TNS3: variants seen among roughly 807,000 people sequenced by gnomAD.
The protein encoded by TNS3 is tensin-3.
A neutral mutation model predicts 140.9 loss-of-function variants in TNS3; 45 were observed. That is an observed-to-expected ratio of 0.32 (90% CI 0.25 to 0.41). The LOEUF is 0.41. Among genes scored for constraint, TNS3 ranks in the 10% least tolerant of loss-of-function variants. The pLI is 1.00. For synonymous variants in TNS3, 815 were observed against 788.4 expected (o/e 1.03, Z -0.56); for missense variants, 1,716 against 1,906.7 (o/e 0.90, Z 1.86).
chr7:47,487,859 T>C (rs531894736), intron 3 of TNS3, among the ~76,000 whole-genome samples: 3 of 152,210 alleles, frequency 2.0e-5, no homozygotes, highest in Non-Finnish European at 4.4e-5. Context: ...TTAAAGAAAC[T>C]TCGTGATGGC....
chr7:47,411,974 C>T (rs17544073), intron 12 of TNS3, among the ~76,000 whole-genome samples, 172 bp from the exon 13 acceptor site: 53,317 of 152,038 alleles, frequency 0.35, 11,248 homozygotes, highest in Middle Eastern at 0.5. Flanking sequence ...GTAAAGAAAG[C>T]TCCCAGGCCA....
At chr7:47,509,804 T>A (rs972782601) in intron 2 of TNS3, among the ~76,000 whole-genome samples, 2 of 152,156 alleles carry the variant, frequency 1.3e-5, no homozygotes, top group South Asian at 4.2e-4. Context: ...CTGCCTCCGT[T>A]CCTGAGTTGA....
chr7:47,380,568 C>T (rs1051929806), intron 16 of TNS3, among the ~76,000 whole-genome samples: 2 of 152,198 alleles, frequency 1.3e-5, no homozygotes, highest in African/African-American at 4.8e-5. Flanking sequence ...TTAAAGCATC[C>T]GTTCTGCTGA....
At chr7:47,546,581 T>A (rs1799927189) in intron 1 of TNS3, among the ~76,000 whole-genome samples, 2 of 152,208 alleles carry the variant, frequency 1.3e-5, no homozygotes, top group African/African-American at 4.8e-5. Context: ...ATAATTTTTT[T>A]AAATATCACT....
chr7:47,360,876 C>T (rs913469891), intron 17 of TNS3, among the ~76,000 whole-genome samples: 4 of 152,152 alleles, frequency 2.6e-5, no homozygotes, highest in Admixed American at 6.5e-5. Flanking sequence ...ACGGAAATAA[C>T]GACACCTGGA....
At chr7:47,493,782 C>A (rs546452520) in intron 3 of TNS3, among the ~76,000 whole-genome samples, 4 of 150,874 alleles carry the variant, frequency 2.7e-5, no homozygotes, top group African/African-American at 9.7e-5. Context: ...GAGCCGAGAT[C>A]GCGCCACTGC....
chr7:47,449,080 C>A (rs1250002046), intron 4 of TNS3, among the ~76,000 whole-genome samples: 1 of 152,226 alleles, frequency 6.6e-6, no homozygotes, highest in Non-Finnish European at 1.5e-5. Context: ...CTGAGCCTTG[C>A]ACTGTATGTT....
chr7:47,481,265 G>A (rs1268847626), intron 3 of TNS3, 124 bp from the exon 4 acceptor site: 5 of 677,590 alleles, frequency 7.4e-6, no homozygotes. Context: ...CTACAAAGCT[G>A]TAGCAGATCA....
At chr7:47,561,042 C>G (rs1415533032) in intron 1 of TNS3, among the ~76,000 whole-genome samples, 1 of 152,182 alleles carries the variant, frequency 6.6e-6, no homozygotes, top group African/African-American at 2.4e-5. Flanking sequence ...TGAGGCACAG[C>G]GTGGTCACCT....
chr7:47,484,356 G>A (rs1797534667), intron 3 of TNS3, among the ~76,000 whole-genome samples: 1 of 152,208 alleles, frequency 6.6e-6, no homozygotes, highest in Admixed American at 6.5e-5. Flanking sequence ...AGTGAACACA[G>A]AGGGCACTTG....
At chr7:47,521,295 C>T (rs1798968156) in intron 2 of TNS3, among the ~76,000 whole-genome samples, 2 of 152,212 alleles carry the variant, frequency 1.3e-5, no homozygotes, top group African/African-American at 2.4e-5. Context: ...TGTTCCTGCT[C>T]ACTACTCCAG....
intron 27 of TNS3, among the ~76,000 whole-genome samples, chr7:47,287,844 T>A (rs1729202731): frequency 6.6e-6 from 1 of 152,220 alleles, no homozygotes; most frequent in South Asian, 2.1e-4. Flanking sequence ...GATGATCAGA[T>A]ACAAACTCCA....
Position 47,565,229 on chromosome 7 carries a change from C to A in TNS3, c.-265+16822G>T, listed in dbSNP as rs574308579. Among the ~76,000 whole-genome samples, 17 of 152,076 alleles carry A rather than the reference C, an allele frequency of 1.1e-4. 1 individual carries two copies. The East Asian group carries it at 3.3e-3, about 29-fold the overall frequency. On this transcript the variant is annotated intron_variant, in intron 1 of 30. Coordinates refer to ENST00000311160, the MANE Select transcript of TNS3 (RefSeq NM_022748.12). ...AGTAGCTGGGACTACAGGCGCCCAC[C>A]ACCAAGCCCGGCTAATTTTTTGTAT...
chr7:47,502,684 C>T (rs1207834204), intron 3 of TNS3, among the ~76,000 whole-genome samples: 1 of 152,208 alleles, frequency 6.6e-6, no homozygotes, highest in South Asian at 2.1e-4. Context: ...CCTCAAGCAG[C>T]CAGCTGGAGA....
At chr7:47,437,197 T>C in intron 7 of TNS3, 66 bp downstream of exon 7, 1 of 1,144,216 alleles carries the variant, frequency 8.7e-7, no homozygotes, top group East Asian at 2.7e-5. Flanking sequence ...AGCAAATTAT[T>C]TTTGCACAAA....
intron 3 of TNS3, among the ~76,000 whole-genome samples, chr7:47,489,350 C>T (rs1488960164): frequency 2.0e-5 from 3 of 152,222 alleles, no homozygotes; most frequent in Admixed American, 2.0e-4. Flanking sequence ...CTTTCCCAGT[C>T]CTTGGTCTTG....
intron 10 of TNS3, among the ~76,000 whole-genome samples, chr7:47,421,132 G>A (rs971540319): frequency 1.6e-4 from 25 of 152,156 alleles, no homozygotes; most frequent in Non-Finnish European, 3.4e-4. Context: ...CTCCGTGATG[G>A]GGCCAAGAAA....
intron 2 of TNS3, among the ~76,000 whole-genome samples, chr7:47,528,680 A>G (rs1303513018): frequency 3.9e-5 from 6 of 152,236 alleles, no homozygotes; most frequent in Non-Finnish European, 7.3e-5. Context: ...CCGAAATCTA[A>G]AGATAGAAAC....
At chr7:47,367,977 A>G (rs901991241) in intron 17 of TNS3, among the ~76,000 whole-genome samples, 1 of 152,214 alleles carries the variant, frequency 6.6e-6, no homozygotes, top group East Asian at 1.9e-4. Context: ...GCCCTGACCT[A>G]TACCGCAGGG....
Sources: allele counts gnomAD v4.1 joint callset (sites outside exome capture counted in the v4.1 genomes callset), GRCh38; gene constraint gnomAD v4.1.1; transcripts MANE v1.5; gene names NCBI Gene and HGNC (gene_info 2026-07-23, HGNC 2026-07-21).